TENM3: variants seen among roughly 807,000 people sequenced by gnomAD.
The protein encoded by TENM3 is teneurin-3.
Under a neutral mutation model 255.1 loss-of-function variants are expected in TENM3, and 63 were observed. That is an observed-to-expected ratio of 0.25 (90% CI 0.20 to 0.30). The LOEUF (loss-of-function observed/expected upper bound fraction) is 0.30. Among genes scored for constraint, TENM3 ranks in the 10% least tolerant of loss-of-function variants. TENM3 has a pLI of 1.00. For synonymous variants in TENM3, 1,306 were observed against 1,322.3 expected (o/e 0.99, Z 0.27); for missense variants, 2,929 against 3,461.1 (o/e 0.85, Z 3.86).
At chr4:181,503,235 C>A in the TENM3 span, among the ~76,000 whole-genome samples, 3 of 152,088 alleles carry the variant, frequency 2.0e-5, no homozygotes, top group Non-Finnish European at 2.9e-5. Context: ...GCATGCTGGC[C>A]TGATCCTGTG....
chr4:182,015,775 G>C, the TENM3 span, among the ~76,000 whole-genome samples: 1 of 151,906 alleles, frequency 6.6e-6, no homozygotes, highest in South Asian at 2.1e-4. Context: ...TGGCCAGGCT[G>C]GTCTCGAACT....
chr4:181,619,243 A>G, the TENM3 span, among the ~76,000 whole-genome samples: 1 of 152,080 alleles, frequency 6.6e-6, no homozygotes, highest in Non-Finnish European at 1.5e-5. Flanking sequence ...TTACAGGCTT[A>G]GGGCTGGTTT....
intron 3 of TENM3, among the ~76,000 whole-genome samples, chr4:182,595,035 T>C (rs1444452842): frequency 6.6e-6 from 1 of 152,168 alleles, no homozygotes; most frequent in African/African-American, 2.4e-5. Context: ...TTCTTGGCAC[T>C]TAACTTTTAT....
chr4:182,787,639 C>A (rs1317057769), intron 24 of TENM3, among the ~76,000 whole-genome samples: 1 of 146,226 alleles, frequency 6.8e-6, no homozygotes, highest in Non-Finnish European at 1.5e-5. Flanking sequence ...GAGGCTGAGG[C>A]AGGAGAATGG....
chr4:181,882,203 A>G, the TENM3 span, among the ~76,000 whole-genome samples: 1 of 152,298 alleles, frequency 6.6e-6, no homozygotes, highest in African/African-American at 2.4e-5. Flanking sequence ...TGTAGAGGGC[A>G]TCTGCTCGAC....
chr4:182,454,262 G>A lies in TENM3; in HGVS notation c.511+107333G>A, dbSNP rs78899024. 3.0e-3 allele frequency among the ~76,000 whole-genome samples: 453 copies of A among 151,988 alleles called. 2 individuals carry two copies. The highest frequency in any genetic ancestry group is 0.01 in the African/African-American group (429 of 41,436). ...TGGCTTTATCATATTCTTTCTTTTCGTTTTCAAATATTATTTCCTCTGATT... is the reference window on the plus strand; with the variant it reads ...TGGCTTTATCATATTCTTTCTTTTCATTTTCAAATATTATTTCCTCTGATT... On this transcript the variant is annotated intron_variant, in intron 3 of 27. Transcript: ENST00000511685.
chr4:182,248,777 A>T (rs1757810270), intron 1 of TENM3, among the ~76,000 whole-genome samples: 1 of 152,190 alleles, frequency 6.6e-6, no homozygotes, highest in Admixed American at 6.5e-5. Flanking sequence ...ACCTGACAAA[A>T]ACCCTGCTGT....
chr4:182,015,940 CT>C, the TENM3 span, among the ~76,000 whole-genome samples: 1 of 152,146 alleles, frequency 6.6e-6, no homozygotes, highest in Non-Finnish European at 1.5e-5. Context: ...AGGGATTGTT[CT>C]TTAAAAGTCT....
At chr4:182,398,883 G>A (rs1362385316) in intron 3 of TENM3, among the ~76,000 whole-genome samples, 1 of 152,186 alleles carries the variant, frequency 6.6e-6, no homozygotes, top group Non-Finnish European at 1.5e-5. Flanking sequence ...TGATTTGGGA[G>A]TTAAAAAATG....
the TENM3 span, among the ~76,000 whole-genome samples, chr4:181,670,634 G>T: frequency 3.9e-5 from 6 of 152,168 alleles, no homozygotes; most frequent in Admixed American, 3.3e-4. Context: ...GTACTTGGTT[G>T]TAGGGCATTC....
At chr4:182,715,213 T>C (rs1759063151) in intron 13 of TENM3, among the ~76,000 whole-genome samples, 1 of 152,188 alleles carries the variant, frequency 6.6e-6, no homozygotes, top group Admixed American at 6.5e-5. Context: ...GCTTTAGCGC[T>C]GCATTTTTAG....
intron 2 of TENM3, among the ~76,000 whole-genome samples, chr4:182,343,384 A>G (rs1270222531): frequency 2.6e-5 from 4 of 152,246 alleles, no homozygotes; most frequent in African/African-American, 9.6e-5. Context: ...GAATTAATAT[A>G]AAGACCGTAA....
At chr4:182,489,376 T>C in intron 3 of TENM3, among the ~76,000 whole-genome samples, 1 of 152,172 alleles carries the variant, frequency 6.6e-6, no homozygotes, top group South Asian at 2.1e-4. Flanking sequence ...CTAAAATGAT[T>C]TAGAGTAGAA....
At chr4:181,543,328 G>GGA in the TENM3 span, among the ~76,000 whole-genome samples, 1 of 152,090 alleles carries the variant, frequency 6.6e-6, no homozygotes, top group South Asian at 2.1e-4. Flanking sequence ...AGGATAAAAT[G>GGA]TAAGGGGAGG....
At chr4:181,539,577 A>G in the TENM3 span, among the ~76,000 whole-genome samples, 1 of 152,158 alleles carries the variant, frequency 6.6e-6, no homozygotes, top group Non-Finnish European at 1.5e-5. Context: ...TTTTGTTGTC[A>G]TTATTCATTT....
the TENM3 span, among the ~76,000 whole-genome samples, chr4:181,869,002 CA>C: frequency 7.9e-3 from 1,122 of 141,870 alleles, 9 homozygotes; most frequent in African/African-American, 0.026. Context: ...CCTAAATTTC[CA>C]AAAAAAAAAA....
At chr4:181,698,743 T>G in the TENM3 span, among the ~76,000 whole-genome samples, 1 of 152,252 alleles carries the variant, frequency 6.6e-6, no homozygotes, top group Non-Finnish European at 1.5e-5. Flanking sequence ...ATAATCAAGA[T>G]GATCTTCAAA....
At chr4:182,291,766 G>A (rs1761141247) in intron 1 of TENM3, among the ~76,000 whole-genome samples, 1 of 152,140 alleles carries the variant, frequency 6.6e-6, no homozygotes. Flanking sequence ...CCCAGAAGCT[G>A]AGGAGCAGAG....
intron 3 of TENM3, among the ~76,000 whole-genome samples, chr4:182,394,321 C>G (rs888327359): frequency 1.3e-5 from 2 of 152,128 alleles, no homozygotes; most frequent in Non-Finnish European, 2.9e-5. Context: ...TCCTGCCCCC[C>G]ACCTATGAAA....
Sources: gnomAD v4.1 joint callset for allele counts (sites outside exome capture counted in the v4.1 genomes callset) on GRCh38, gnomAD v4.1.1 for gene constraint, MANE v1.5 for transcripts, NCBI Gene and HGNC (gene_info 2026-07-23, HGNC 2026-07-21) for gene names.